ESCO1: variants seen among roughly 807,000 people sequenced by gnomAD.
The protein encoded by ESCO1 is N-acetyltransferase ESCO1.
Under a neutral mutation model 83.5 loss-of-function variants are expected in ESCO1, and 33 were observed. That is an observed-to-expected ratio of 0.40 (90% CI 0.30 to 0.53). The LOEUF is 0.53. Among genes scored for constraint, ESCO1 ranks in the 20% least tolerant of loss-of-function variants. The pLI is 0.63. For synonymous variants in ESCO1, 332 were observed against 324.3 expected, an observed-to-expected ratio of 1.02 and a Z score of -0.25; for missense variants, 855 against 968.0, an observed-to-expected ratio of 0.88 and a Z score of 1.55.
At chr18:21,598,919 C>T (rs537092978) in intron 1 of ESCO1, among the ~76,000 whole-genome samples, 5 of 152,106 alleles carry the variant, frequency 3.3e-5, no homozygotes, top group Non-Finnish European at 7.4e-5. Context: ...CTATTACAGT[C>T]CTAGTTTCCT....
intron 11 of ESCO1, among the ~76,000 whole-genome samples, chr18:21,530,891 G>A (rs189080105): frequency 7.2e-5 from 11 of 152,154 alleles, no homozygotes; most frequent in East Asian, 3.9e-4. Flanking sequence ...GGAGGTTCTC[G>A]TCATGAGGAA....
At chr18:21,570,325 C>G (rs955560370) in intron 4 of ESCO1, among the ~76,000 whole-genome samples, 1 of 152,178 alleles carries the variant, frequency 6.6e-6, no homozygotes, top group Non-Finnish European at 1.5e-5. Context: ...TCTAAAACTC[C>G]TGGGCTCAAG....
intron 9 of ESCO1, among the ~76,000 whole-genome samples, chr18:21,538,277 C>A (rs1312708106): frequency 6.9e-6 from 1 of 144,824 alleles, no homozygotes; most frequent in Non-Finnish European, 1.5e-5. Flanking sequence ...CACGGTGAGA[C>A]CCTGTCTCTT....
chr18:21,550,214 A>G (rs2038028525), intron 8 of ESCO1, among the ~76,000 whole-genome samples: 1 of 152,212 alleles, frequency 6.6e-6, no homozygotes, highest in African/African-American at 2.4e-5. Flanking sequence ...GAGAACAAGA[A>G]GAGTCTCATC....
Position 21,558,056 on chromosome 18 carries a change from C to A in ESCO1, c.1953+2803G>T, listed in dbSNP as rs1000806009. Among the ~76,000 whole-genome samples, 3 of 151,128 alleles carry A rather than the reference C, an allele frequency of 2.0e-5. No homozygotes were observed. In the East Asian group the frequency reaches 5.8e-4, roughly 29 times the overall value. ...ATGCAATCTTGGCTCACCTTAACCT[C>A]CTGGGCTCAAGCCAACCTCCTGAGC... On this transcript the variant is annotated intron_variant, in intron 8 of 11. Coordinates refer to ENST00000269214, the MANE Select transcript of ESCO1 (RefSeq NM_052911.3).
chr18:21,552,767 T>C (rs1200078448), intron 8 of ESCO1, among the ~76,000 whole-genome samples: 1 of 152,200 alleles, frequency 6.6e-6, no homozygotes, highest in Admixed American at 6.5e-5. Context: ...CAAATGGTGC[T>C]GAACTGGACA....
intron 4 of ESCO1, 145 bp from the exon 5 acceptor site, chr18:21,568,239 C>CT (rs1181744936): frequency 2.6e-5 from 16 of 616,474 alleles, no homozygotes; most frequent in Non-Finnish European, 4.5e-5. Flanking sequence ...CATGATCTTG[C>CT]TACAAGCTAC....
At chr18:21,553,471 AAAAAAT>A (rs1412726430) in intron 8 of ESCO1, among the ~76,000 whole-genome samples, 1,264 of 109,164 alleles carry the variant, frequency 0.012, 18 homozygotes, top group African/African-American at 0.051. Flanking sequence ...AAAAAAAAAA[AAAAAAT>A]TTTTTTTGAA....
chr18:21,575,474 A>G, intron 3 of ESCO1, 44 bp from the exon 4 acceptor site: 1 of 398,350 alleles, frequency 2.5e-6, no homozygotes, highest in Non-Finnish European at 4.4e-6. Flanking sequence ...ACAATCCATG[A>G]AATATGTCAA....
chr18:21,532,648 T>C lies in ESCO1; in HGVS notation c.2200A>G (p.Ile734Val). 1 of 1,614,026 alleles carries C rather than the reference T, an allele frequency of 6.2e-7. No homozygotes were observed. Among genetic ancestry groups the C allele is most frequent in the Non-Finnish European group, 8.5e-7 (1 of 1,179,972 alleles). Residue 734 changes from isoleucine to valine, a missense_variant, in exon 11 of 12, where the codon ATA (isoleucine) becomes GTA (valine). Ile to Val is a conservative substitution (Grantham distance 29, BLOSUM62 3). Transcript: ENST00000269214. ...AEHIQWGYRV[I>V]EEKLPVIRSE... ...CTGATAACTGGAAGTTTCTCTTCTATAACTCTGTAGCCCTACAGGTGTCAA... is the reference window on the plus strand; with the variant it reads ...CTGATAACTGGAAGTTTCTCTTCTACAACTCTGTAGCCCTACAGGTGTCAA...
At position 21,573,969 on chromosome 18, in the gene ESCO1, A is replaced by T. The variant is rs753005991; in HGVS notation, c.875T>A (p.Leu292Gln). 6.2e-7 allele frequency: 1 copy of T among 1,613,880 alleles called. No individual in the cohort carries two copies. Among genetic ancestry groups the T allele is most frequent in the Non-Finnish European group, 8.5e-7 (1 of 1,180,036 alleles). ...PSVPEQSDNE[L>Q]EQAGKSKRGS... ...TCGTTTGCTCTTTCCTGCTTGCTCC[A>T]GCTCATTATCACTTTGTTCAGGCAC... is the stretch of plus-strand genomic sequence containing the variant. Residue 292 changes from leucine to glutamine, a missense_variant, in exon 4 of 12, where the codon CTG (leucine) becomes CAG (glutamine). Physicochemically the swap from Leu to Gln is moderately radical, Grantham distance 113. This residue lies in a region of ESCO1 where 726 missense variants were observed against 699.5 expected (regional missense o/e 1.04). Coordinates refer to ENST00000269214, the MANE Select transcript of ESCO1 (RefSeq NM_052911.3).
At chr18:21,570,226 T>C (rs2038321385) in intron 4 of ESCO1, among the ~76,000 whole-genome samples, 1 of 151,764 alleles carries the variant, frequency 6.6e-6, no homozygotes, top group Non-Finnish European at 1.5e-5. Flanking sequence ...GCCTCCCAAG[T>C]AGCTGGGACC....
intron 8 of ESCO1, among the ~76,000 whole-genome samples, chr18:21,559,280 AG>A (rs923578714): frequency 1.3e-5 from 2 of 152,154 alleles, no homozygotes; most frequent in Non-Finnish European, 2.9e-5. Flanking sequence ...TGTCCCATCA[AG>A]GGGGGGTTGG....
intron 1 of ESCO1, chr18:21,593,525 G>C (rs2038713709): frequency 1.3e-5 from 2 of 148,636 alleles, no homozygotes; most frequent in East Asian, 4.1e-4. Flanking sequence ...GTTGCAGTGA[G>C]CCGAGATGGC....
At chr18:21,545,774 C>CA (rs547399470) in intron 8 of ESCO1, among the ~76,000 whole-genome samples, 326 of 151,698 alleles carry the variant, frequency 2.1e-3, no homozygotes, top group African/African-American at 7.7e-3. Context: ...ACTAAAAATA[C>CA]AAAAAATTAG....
intron 1 of ESCO1, among the ~76,000 whole-genome samples, chr18:21,587,702 C>T (rs1323458261): frequency 6.6e-6 from 1 of 151,924 alleles, no homozygotes; most frequent in African/African-American, 2.4e-5. Flanking sequence ...TTTGGGAGGC[C>T]AAGGTGGGAG....
rs561257362 is a variant in ESCO1, at chr18:21,572,542, C to T, written c.1530+772G>A. On this transcript the variant is annotated intron_variant, in intron 4 of 11. Coordinates refer to ENST00000269214, the MANE Select transcript of ESCO1 (RefSeq NM_052911.3). ...TATTTATACCTCTCAGACAGACATT[C>T]TACTTGCCAACTATTCAAAATGGCC... 5.9e-5 allele frequency among the ~76,000 whole-genome samples: 9 copies of T among 152,286 alleles called. No homozygotes were observed. The South Asian group carries it at 1.9e-3, about 32-fold the overall frequency.
intron 1 of ESCO1, among the ~76,000 whole-genome samples, chr18:21,595,426 T>C (rs1009109628): frequency 4.0e-5 from 6 of 150,138 alleles, no homozygotes; most frequent in Non-Finnish European, 7.4e-5. Flanking sequence ...TCCCAGCACT[T>C]TGGGAGGCCG....
At position 21,564,332 on chromosome 18, in the gene ESCO1, A is replaced by G. The variant is rs755317465; in HGVS notation, c.1707-15T>C. On this transcript the variant is annotated splice_polypyrimidine_tract_variant and intron_variant, in intron 6 of 11. Coordinates refer to ENST00000269214, the MANE Select transcript of ESCO1 (RefSeq NM_052911.3). ...GTGGTGTCTCCCTTAAAAAAAATAA[A>G]ATTACTAAATGTTACAGATCCAAGT... The G allele has an allele frequency of 1.1e-5, 16 of 1,493,958 alleles. No homozygotes were observed. The Admixed American group carries it at 2.9e-4, about 27-fold the overall frequency. 92.5% of individuals were successfully genotyped at this position (1,493,958 alleles called of 1,614,324 possible).
Sources: gnomAD v4.1 joint callset for allele counts (sites outside exome capture counted in the v4.1 genomes callset) on GRCh38, gnomAD v4.1.1 for gene constraint, gnomAD v4.1.1 regional missense constraint, MANE v1.5 for transcripts, NCBI Gene and HGNC (gene_info 2026-07-23, HGNC 2026-07-21) for gene names.